ZNF140: variants seen among roughly 807,000 people sequenced by gnomAD.
The protein encoded by ZNF140 is zinc finger protein 140.
A neutral mutation model predicts 12.9 loss-of-function variants in ZNF140; 13 were observed. The observed-to-expected ratio is 1.01, with a 90% CI of 0.66 to 1.60. The LOEUF is 1.60. Among genes scored for constraint, ZNF140 ranks in the 40% most tolerant of loss-of-function variants. The pLI, the probability that ZNF140 is intolerant of heterozygous loss-of-function variation, is 0.00. For missense variants in ZNF140, 531 were observed against 548.8 expected (o/e 0.97, Z 0.32); for synonymous variants, 214 against 186.7 (o/e 1.15, Z -1.19).
chr12:133,101,550 T>C (rs1955350034), intron 4 of ZNF140, among the ~76,000 whole-genome samples: 1 of 152,194 alleles, frequency 6.6e-6, no homozygotes, highest in African/African-American at 2.4e-5. Context: ...GTTCACGCCA[T>C]TCTCCTGCCT....
At chr12:133,104,274 G>T (rs1593805610) in intron 4 of ZNF140, among the ~76,000 whole-genome samples, 1 of 151,968 alleles carries the variant, frequency 6.6e-6, no homozygotes, top group Non-Finnish European at 1.5e-5. Context: ...AAACATTTGA[G>T]AATAAGTTCT....
chr12:133,084,581 A>G (rs1316368999), intron 4 of ZNF140, among the ~76,000 whole-genome samples: 8 of 152,378 alleles, frequency 5.3e-5, no homozygotes, highest in East Asian at 1.9e-4. Flanking sequence ...GTACTAGAGA[A>G]ACAAAAGACA....
At chr12:133,090,965 C>G (rs201165053) in intron 4 of ZNF140, among the ~76,000 whole-genome samples, 4,742 of 147,098 alleles carry the variant, frequency 0.032, 129 homozygotes, top group South Asian at 0.12. Context: ...GGCGGTTTTG[C>G]TACTATCTCA....
chr12:133,098,514 A>G (rs1205202831), intron 4 of ZNF140, among the ~76,000 whole-genome samples: 1 of 152,182 alleles, frequency 6.6e-6, no homozygotes, highest in Non-Finnish European at 1.5e-5. Context: ...TGCTAGGATT[A>G]CAGGCATGAG....
Position 133,081,269 on chromosome 12 carries a change from C to T in ZNF140, c.-48-4C>T, listed in dbSNP as rs1566299028. On this transcript the variant is annotated splice_polypyrimidine_tract_variant and splice_region_variant and intron_variant, in intron 1 of 4. Coordinates refer to ENST00000355557, the MANE Select transcript of ZNF140 (RefSeq NM_003440.4). ...CGCTCAGGGCTCCTTTCTCTCTCTG[C>T]CAGGTCTGCCATTTTACACTTTTCT... The T allele has an allele frequency of 6.5e-7, 1 of 1,529,346 alleles. No individual in the cohort carries two copies. Among genetic ancestry groups the T allele is most frequent in the South Asian group, 1.1e-5 (1 of 88,698 alleles). 94.7% of individuals were successfully genotyped at this position (1,529,346 alleles called of 1,614,324 possible). A position where few individuals can be genotyped will look rare whatever the true frequency, so the allele number is the denominator to read the frequency against.
intron 4 of ZNF140, among the ~76,000 whole-genome samples, chr12:133,100,035 T>C (rs1211997666): frequency 6.6e-6 from 1 of 151,942 alleles, no homozygotes; most frequent in Non-Finnish European, 1.5e-5. Context: ...CTCCCCTATC[T>C]TCAGGGGATA....
intron 4 of ZNF140, among the ~76,000 whole-genome samples, chr12:133,086,586 CAT>C (rs1301938006): frequency 6.6e-6 from 1 of 152,156 alleles, no homozygotes; most frequent in Non-Finnish European, 1.5e-5. Flanking sequence ...AAATCTTTCA[CAT>C]GTGGCTTTTT....
At position 133,105,857 on chromosome 12, in the gene ZNF140, T is replaced by C. The variant is rs766630578; in HGVS notation, c.580T>C (p.Cys194Arg). The part of the protein sequence containing the change: ...TGEKPYACKE[C>R]GKTFSQISNL... ...AGAGAAACCATATGCATGTAAGGAA[T>C]GTGGCAAAACCTTTAGCCAGATTTC... The change falls in exon 5 of 5, where the codon TGT becomes CGT. Residue 194 changes from cysteine (C) to arginine (R), a missense_variant. Coordinates refer to ENST00000355557, the MANE Select transcript of ZNF140 (RefSeq NM_003440.4). 6.2e-7 allele frequency: 1 copy of C among 1,614,200 alleles called. No individual in the cohort carries two copies. The highest frequency in any genetic ancestry group is 1.1e-5 in the South Asian group (1 of 91,084).
rs970177676 is a variant in ZNF140 at position 133,105,945 on chromosome 12, A to C, written c.668A>C (p.Asn223Thr). 62 of 1,614,064 alleles carry C rather than the reference A, an allele frequency of 3.8e-5. No individual in the cohort carries two copies. The highest frequency in any genetic ancestry group is 5.1e-5 in the Non-Finnish European group (60 of 1,180,038). Reference sequence around the variant, plus strand: ...AAACCCCATGAGTGTAAGGACTGTAATAAAACATTCAGTTACCTTTCATTT... The same window carrying C: ...AAACCCCATGAGTGTAAGGACTGTACTAAAACATTCAGTTACCTTTCATTT... Reference protein sequence around the residue: ...GKKPHECKDCNKTFSYLSFLI... With the variant: ...GKKPHECKDCTKTFSYLSFLI... The change falls in exon 5 of 5, where the codon AAT (asparagine) becomes ACT (threonine). Residue 223 changes from asparagine to threonine, a missense_variant. By Grantham distance (65) the Asn-to-Thr change is moderately conservative (BLOSUM62 0). Transcript: ENST00000355557.
Position 133,106,346 on chromosome 12 carries a change from T to C in ZNF140, c.1069T>C (p.Tyr357His). The change falls in exon 5 of 5, where the codon TAT (tyrosine) becomes CAT (histidine). Residue 357 changes from tyrosine (Y) to histidine (H), a missense_variant. Transcript: ENST00000355557. ...GAGAATTCATGCTGGAGAAAAGCTC[T>C]ATGAATGTGATGAATGTGGTAAAGT... Reference protein sequence around the residue: ...HQRIHAGEKLYECDECGKVFT... With the variant: ...HQRIHAGEKLHECDECGKVFT... 6.2e-7 allele frequency: 1 copy of C among 1,614,194 alleles called. No homozygotes were observed. The highest frequency in any genetic ancestry group is 8.5e-7 in the Non-Finnish European group (1 of 1,180,034).
At chr12:133,089,998 C>T (rs770759284) in intron 4 of ZNF140, among the ~76,000 whole-genome samples, 158 of 151,968 alleles carry the variant, frequency 1.0e-3, no homozygotes, top group African/African-American at 1.5e-3. Flanking sequence ...TACAGGTGCA[C>T]GCCACCACGC....
intron 4 of ZNF140, among the ~76,000 whole-genome samples, chr12:133,094,234 CAA>C (rs139646409): frequency 0.3 from 44,833 of 150,720 alleles, 7,913 homozygotes; most frequent in African/African-American, 0.35. Flanking sequence ...ACTTGAGCTA[CAA>C]AAGTCTGACA....
chr12:133,092,717 C>T (rs1954934711), intron 4 of ZNF140, among the ~76,000 whole-genome samples: 1 of 151,186 alleles, frequency 6.6e-6, no homozygotes, highest in Admixed American at 6.6e-5. Flanking sequence ...AGTTAAATCA[C>T]CATCATAGGC....
At chr12:133,082,148 T>C (rs1954524191) in intron 2 of ZNF140, 1 of 152,152 alleles carries the variant, frequency 6.6e-6, no homozygotes, top group Non-Finnish European at 1.5e-5. Flanking sequence ...GATAACAGGG[T>C]CAACTATTCA....
chr12:133,083,695 C>T, intron 4 of ZNF140, 134 bp downstream of exon 4: 2 of 804,544 alleles, frequency 2.5e-6, no homozygotes, highest in South Asian at 1.9e-5. Context: ...CACGGTGGCT[C>T]ATGCCGGTAA....
intron 4 of ZNF140, among the ~76,000 whole-genome samples, chr12:133,088,133 A>C (rs1954738011): frequency 6.6e-6 from 1 of 151,984 alleles, no homozygotes; most frequent in Admixed American, 6.5e-5. Context: ...GTCTAAAAAA[A>C]AAAAAGAAAG....
At chr12:133,090,957 C>G (rs1206690371) in intron 4 of ZNF140, among the ~76,000 whole-genome samples, 5 of 146,652 alleles carry the variant, frequency 3.4e-5, no homozygotes, top group Non-Finnish European at 7.6e-5. Context: ...CACCATAGGG[C>G]GGTTTTGCTA....
chr12:133,086,221 G>A (rs1954671234), intron 4 of ZNF140, among the ~76,000 whole-genome samples: 2 of 152,022 alleles, frequency 1.3e-5, no homozygotes, highest in South Asian at 4.2e-4. Flanking sequence ...ATCTAGGACT[G>A]GAATTGCCAA....
Position 133,106,164 on chromosome 12 carries a change from C to T in ZNF140, c.887C>T (p.Thr296Ile), listed in dbSNP as rs1209634754. The T allele has an allele frequency of 1.2e-6, 2 of 1,614,230 alleles. No homozygotes were observed. The highest frequency in any genetic ancestry group is 1.3e-5 in the African/African-American group (1 of 75,066). The change falls in exon 5 of 5, where the codon ACT becomes ATT. Residue 296 changes from threonine (T) to isoleucine (I), a missense_variant. Transcript: ENST00000355557. The part of the protein sequence containing the change: ...SELIRHQITH[T>I]GEKPYECIEC... ...CTCATTCGCCACCAGATTACACATACTGGAGAGAAACCTTATGAATGCATT... is the reference window on the plus strand; with the variant it reads ...CTCATTCGCCACCAGATTACACATATTGGAGAGAAACCTTATGAATGCATT...
Sources: allele counts gnomAD v4.1 joint callset (sites outside exome capture counted in the v4.1 genomes callset), GRCh38; gene constraint gnomAD v4.1.1; transcripts MANE v1.5; gene names NCBI Gene and HGNC (gene_info 2026-07-23, HGNC 2026-07-21).